NEK5: variants seen among roughly 807,000 people sequenced by gnomAD.
NEK5 encodes NIMA related kinase 5.
NEK5 carries 88 observed loss-of-function variants against 109.2 expected under a neutral mutation model. The observed-to-expected ratio is 0.81, with a 90% CI of 0.68 to 0.96. The LOEUF is 0.96. Ranked by LOEUF, NEK5 falls within the 40% of genes least tolerant of loss-of-function variation. The probability of loss-of-function intolerance (pLI) is 0.00; values close to 1 mark genes in which losing one functional copy is unlikely to be tolerated. For missense variants in NEK5, 834 were observed against 920.7 expected (o/e 0.91, Z 1.22); for synonymous variants, 283 against 299.9 (o/e 0.94, Z 0.58).
Position 52,127,520 on chromosome 13 carries a change from T to G in NEK5, c.-22-16A>C. 9.1e-7 allele frequency: 1 copy of G among 1,102,802 alleles called. No homozygotes were observed. The highest frequency in any genetic ancestry group is 1.3e-5 in the South Asian group (1 of 79,004). The allele number at this position is 1,102,802 out of a possible 1,614,324, so 68.3% of individuals were successfully genotyped here. On this transcript the variant is annotated splice_polypyrimidine_tract_variant and intron_variant, in intron 2 of 23. Transcript: ENST00000684899. ...GCTGAGTTTCCTGGAATTAGAGTAA[T>G]GTAAATTTATCACACACGTCTCATA...
chr13:52,096,135 G>A (rs907358350), intron 12 of NEK5, among the ~76,000 whole-genome samples: 2 of 152,176 alleles, frequency 1.3e-5, no homozygotes, highest in African/African-American at 4.8e-5. Context: ...TGTACAGCCT[G>A]CAGAACTGTG....
intron 7 of NEK5, among the ~76,000 whole-genome samples, chr13:52,108,898 A>C (rs918352843): frequency 7.2e-5 from 11 of 152,248 alleles, no homozygotes; most frequent in African/African-American, 2.7e-4. Flanking sequence ...TTCTTTGCTT[A>C]GTATAACAAA....
chr13:52,112,771 A>G (rs895201923), intron 4 of NEK5, among the ~76,000 whole-genome samples: 1 of 152,356 alleles, frequency 6.6e-6, no homozygotes, highest in South Asian at 2.1e-4. Context: ...ATTTGGGCAT[A>G]AAGCCATATT....
rs1954341867 is a variant in NEK5 at position 52,034,668 on chromosome 13, A to C, written c.*2280T>G. 1 of 146,454 alleles carries C rather than the reference A, an allele frequency of 6.8e-6. No individual in the cohort carries two copies. The highest frequency in any genetic ancestry group is 1.5e-5 in the Non-Finnish European group (1 of 66,592). 9.1% of individuals were successfully genotyped at this position (146,454 alleles called of 1,614,324 possible). ...CAGCCTCCTGAAGAGCTGGGACCAG[A>C]GGTGCACACCAACACACCAGCTAAT... On this transcript the variant is annotated 3_prime_UTR_variant, in exon 24 of 24. Transcript: ENST00000684899.
chr13:52,127,009 A>G (rs541446129), intron 3 of NEK5, among the ~76,000 whole-genome samples: 101 of 152,216 alleles, frequency 6.6e-4, no homozygotes, highest in Non-Finnish European at 1.3e-3. Flanking sequence ...GGGCCATAGG[A>G]GCCACAGGGA....
chr13:52,065,170 G>C (rs941185096), intron 21 of NEK5: 9 of 428,556 alleles, frequency 2.1e-5, no homozygotes, highest in Non-Finnish European at 3.7e-5. Flanking sequence ...CGCAAAAAAA[G>C]TTGTTGAGCT....
At position 52,100,699 on chromosome 13, in the gene NEK5, C is replaced by T. The variant is rs540525758; in HGVS notation, c.893-823G>A. Among the ~76,000 whole-genome samples, 5 of 152,106 alleles carry T rather than the reference C, an allele frequency of 3.3e-5. No individual in the cohort carries two copies. The South Asian group carries it at 1.0e-3, about 32-fold the overall frequency. On this transcript the variant is annotated intron_variant, in intron 11 of 23. Transcript: ENST00000684899. ...GACCAGCCTGGGCAACACAGTGAGACCCCATCTCAATAAAAAAAAAATTGT... is the reference window on the plus strand; with the variant it reads ...GACCAGCCTGGGCAACACAGTGAGATCCCATCTCAATAAAAAAAAAATTGT...
At chr13:52,075,589 C>T (rs925991023) in intron 19 of NEK5, among the ~76,000 whole-genome samples, 169 bp downstream of exon 19, 10 of 152,102 alleles carry the variant, frequency 6.6e-5, no homozygotes, top group African/African-American at 2.4e-4. Flanking sequence ...CAAACCTCAA[C>T]ATCACACAAC....
intron 4 of NEK5, among the ~76,000 whole-genome samples, chr13:52,116,657 T>G (rs926459483): frequency 6.6e-5 from 10 of 152,244 alleles, no homozygotes; most frequent in South Asian, 2.1e-4. Flanking sequence ...AATCAAGAGA[T>G]AATAAATAGG....
At chr13:52,038,826 A>G (rs1433401989) in intron 23 of NEK5, among the ~76,000 whole-genome samples, 52 of 42,580 alleles carry the variant, frequency 1.2e-3, no homozygotes, top group Admixed American at 9.6e-3. Context: ...CACTCATCTG[A>G]AAAAAAAAAA....
chr13:52,061,761 C>T, intron 22 of NEK5, 58 bp downstream of exon 22: 4 of 753,918 alleles, frequency 5.3e-6, no homozygotes, highest in Non-Finnish European at 6.5e-6. Flanking sequence ...TCAGCATTTG[C>T]AAGTCTTGAC....
chr13:52,060,447 C>T (rs1257515080), intron 22 of NEK5, among the ~76,000 whole-genome samples: 3 of 152,046 alleles, frequency 2.0e-5, no homozygotes, highest in Admixed American at 6.6e-5. Context: ...CTCCGCCACC[C>T]GGGTTCAAGC....
intron 8 of NEK5, among the ~76,000 whole-genome samples, chr13:52,106,998 T>C (rs940001303): frequency 2.0e-5 from 3 of 152,110 alleles, no homozygotes; most frequent in African/African-American, 7.2e-5. Flanking sequence ...CCACATTGTC[T>C]TCTACTTCAT....
intron 20 of NEK5, among the ~76,000 whole-genome samples, chr13:52,066,232 A>T (rs927054394): frequency 6.6e-6 from 1 of 152,190 alleles, no homozygotes; most frequent in Non-Finnish European, 1.5e-5. Flanking sequence ...ATTCTGCTTT[A>T]TGAATGTAAT....
intron 23 of NEK5, among the ~76,000 whole-genome samples, chr13:52,041,156 C>G (rs1292137815): frequency 6.6e-6 from 1 of 152,048 alleles, no homozygotes; most frequent in Non-Finnish European, 1.5e-5. Context: ...CTGAATAAAT[C>G]TAATGGTAAG....
chr13:52,053,429 G>A (rs900947758), intron 22 of NEK5, among the ~76,000 whole-genome samples: 3 of 152,134 alleles, frequency 2.0e-5, no homozygotes, highest in Non-Finnish European at 4.4e-5. Flanking sequence ...TTTTGTAACT[G>A]AGTGCCCTAT....
chr13:52,108,112 A>T (rs1038819504), intron 8 of NEK5, among the ~76,000 whole-genome samples: 6 of 152,012 alleles, frequency 3.9e-5, no homozygotes, highest in Non-Finnish European at 1.5e-5. Context: ...CTTCCTCCCC[A>T]GTTCATCTGC....
At chr13:52,043,599 T>C (rs956817411) in intron 23 of NEK5, among the ~76,000 whole-genome samples, 4 of 150,776 alleles carry the variant, frequency 2.7e-5, no homozygotes, top group African/African-American at 9.7e-5. Flanking sequence ...AAAAAATACA[T>C]TAGTCAGAAA....
chr13:52,101,272 C>G (rs905537703), intron 11 of NEK5, among the ~76,000 whole-genome samples: 1 of 151,962 alleles, frequency 6.6e-6, no homozygotes, highest in Non-Finnish European at 1.5e-5. Context: ...TGGTGATGGG[C>G]GGCTGTAGTC....
Sources: gnomAD v4.1 joint callset for allele counts (sites outside exome capture counted in the v4.1 genomes callset) on GRCh38, gnomAD v4.1.1 for gene constraint, MANE v1.5 for transcripts, NCBI Gene and HGNC (gene_info 2026-07-23, HGNC 2026-07-21) for gene names.